TLCD4: variants seen among roughly 807,000 people sequenced by gnomAD.
TLCD4 encodes the protein TLC domain-containing protein 4.
A neutral mutation model predicts 24.2 loss-of-function variants in TLCD4; 7 were observed. That is an observed-to-expected ratio of 0.29 (90% CI 0.16 to 0.54). The LOEUF (loss-of-function observed/expected upper bound fraction) is 0.54. Among genes scored for constraint, TLCD4 ranks in the 20% least tolerant of loss-of-function variants. The pLI is 0.95. For synonymous variants in TLCD4, 103 were observed against 106.4 expected (o/e 0.97, Z 0.20); for missense variants, 259 against 313.9 (o/e 0.82, Z 1.32).
intron 6 of TLCD4, among the ~76,000 whole-genome samples, chr1:95,177,920 G>C (rs1432472520): frequency 6.7e-6 from 1 of 148,500 alleles, no homozygotes; most frequent in Non-Finnish European, 1.5e-5. Context: ...TGGATCAACT[G>C]TCTTTTTTTC....
At chr1:95,187,411 C>T (rs553552589) in intron 6 of TLCD4, among the ~76,000 whole-genome samples, 2 of 152,266 alleles carry the variant, frequency 1.3e-5, no homozygotes, top group South Asian at 4.2e-4. Flanking sequence ...GATCGTTTCT[C>T]AGATGTCCTG....
At chr1:95,170,942 A>C (rs988462814) in intron 5 of TLCD4, among the ~76,000 whole-genome samples, 6 of 152,234 alleles carry the variant, frequency 3.9e-5, no homozygotes, top group Admixed American at 2.0e-4. Context: ...AAAGCACACA[A>C]AATACCTAAG....
Position 95,195,528 on chromosome 1 carries a change from A to G in TLCD4, c.*3660A>G, listed in dbSNP as rs1313509876. On this transcript the variant is annotated 3_prime_UTR_variant, in exon 7 of 7. Coordinates refer to ENST00000370203, the MANE Select transcript of TLCD4 (RefSeq NM_152487.3). ...ATTGACATCATCAATAATACTTCAT[A>G]AAGGTTTATGTATTTTTATGTGTTT... 8 of 152,184 alleles carry G rather than the reference A, an allele frequency of 5.3e-5. No individual in the cohort carries two copies. Among genetic ancestry groups the G allele is most frequent in the African/African-American group, 1.9e-4 (8 of 41,464 alleles). 9.4% of individuals were successfully genotyped at this position (152,184 alleles called of 1,614,324 possible). A position where few individuals can be genotyped will look rare whatever the true frequency, so the allele number is the denominator to read the frequency against.
intron 2 of TLCD4, among the ~76,000 whole-genome samples, 173 bp downstream of exon 2, chr1:95,144,229 G>T (rs1026727290): frequency 4.6e-5 from 7 of 152,140 alleles, no homozygotes; most frequent in Admixed American, 3.3e-4. Flanking sequence ...AAAAGTTTAA[G>T]AATTCATATA....
chr1:95,109,912 CATATATATATATATATATAT>C, the TLCD4 span, among the ~76,000 whole-genome samples: 111 of 80,276 alleles, frequency 1.4e-3, 3 homozygotes, highest in East Asian at 0.013. Flanking sequence ...TGTGTGTATG[CATATATATATATATATATAT>C]ATATATATAT....
chr1:95,135,395 C>CT (rs1188061128), intron 1 of TLCD4, among the ~76,000 whole-genome samples: 12,710 of 130,460 alleles, frequency 0.097, 1,025 homozygotes, highest in African/African-American at 0.19. Flanking sequence ...TTTTTGTACA[C>CT]TTTTTTTTTT....
At chr1:95,093,457 A>T in the TLCD4 span, among the ~76,000 whole-genome samples, 8 of 152,214 alleles carry the variant, frequency 5.3e-5, no homozygotes, top group Non-Finnish European at 1.2e-4. Flanking sequence ...GACTGTAAGC[A>T]GTCATATCTG....
chr1:95,172,736 TA>T (rs1429402199), intron 5 of TLCD4, among the ~76,000 whole-genome samples: 4 of 152,340 alleles, frequency 2.6e-5, no homozygotes, highest in East Asian at 1.9e-4. Flanking sequence ...GTCCACCTAT[TA>T]TTTTTTTAAT....
the TLCD4 span, among the ~76,000 whole-genome samples, chr1:95,112,066 T>C: frequency 1.3e-5 from 2 of 152,162 alleles, no homozygotes; most frequent in East Asian, 3.9e-4. Context: ...GGAAATTCTT[T>C]GTGTGGAAGT....
the TLCD4 span, among the ~76,000 whole-genome samples, chr1:95,103,536 G>A: frequency 6.6e-6 from 1 of 152,160 alleles, no homozygotes; most frequent in Non-Finnish European, 1.5e-5. Flanking sequence ...ATGTCAGTGA[G>A]TTATTTTTAT....
At chr1:95,122,984 T>TTA (rs1553168245) in intron 1 of TLCD4, among the ~76,000 whole-genome samples, 63 of 151,604 alleles carry the variant, frequency 4.2e-4, no homozygotes, top group African/African-American at 1.5e-3. Context: ...TTTTTTTTTT[T>TTA]AAAAAGAGAA....
chr1:95,156,278 C>A lies in TLCD4; in HGVS notation c.399+4859C>A, dbSNP rs550278059. 3.9e-5 allele frequency among the ~76,000 whole-genome samples: 6 copies of A among 152,212 alleles called. No homozygotes were observed. In the East Asian group the frequency reaches 1.2e-3, roughly 29 times the overall value. ...AGGTTGGAAAAAAAAGTAGGGAAGG[C>A]TTTCTAGGTCAGAAAACATTTTGAG... On this transcript the variant is annotated intron_variant, in intron 5 of 6. Coordinates refer to ENST00000370203, the MANE Select transcript of TLCD4 (RefSeq NM_152487.3).
intron 5 of TLCD4, among the ~76,000 whole-genome samples, chr1:95,158,572 A>G (rs938984240): frequency 2.0e-5 from 3 of 151,840 alleles, no homozygotes; most frequent in East Asian, 1.9e-4. Flanking sequence ...GGTTTGTTAC[A>G]TATGTATACA....
At chr1:95,183,206 T>C (rs928194472) in intron 6 of TLCD4, among the ~76,000 whole-genome samples, 1 of 152,210 alleles carries the variant, frequency 6.6e-6, no homozygotes, top group African/African-American at 2.4e-5. Flanking sequence ...TAAGAGTCCA[T>C]ATTAAGCTGT....
intron 6 of TLCD4, among the ~76,000 whole-genome samples, chr1:95,186,699 C>A (rs762280815): frequency 5.3e-5 from 8 of 152,154 alleles, no homozygotes; most frequent in Non-Finnish European, 1.2e-4. Flanking sequence ...GGATCAGAGA[C>A]CTGGATTAGA....
At chr1:95,170,978 G>T (rs1476298659) in intron 5 of TLCD4, among the ~76,000 whole-genome samples, 1 of 151,878 alleles carries the variant, frequency 6.6e-6, no homozygotes, top group African/African-American at 2.4e-5. Flanking sequence ...ATGGCAATTT[G>T]TTCCTTATTA....
intron 1 of TLCD4, among the ~76,000 whole-genome samples, chr1:95,139,116 A>G (rs181351587): frequency 7.0e-6 from 1 of 143,588 alleles, no homozygotes; most frequent in African/African-American, 2.5e-5. Context: ...TTGAGGTTAT[A>G]GTGAGCTATG....
At chr1:95,119,227 C>T (rs1383370465) in intron 1 of TLCD4, among the ~76,000 whole-genome samples, 1 of 152,076 alleles carries the variant, frequency 6.6e-6, no homozygotes, top group Non-Finnish European at 1.5e-5. Flanking sequence ...TAATGCAAAC[C>T]CCAGGGAAGC....
chr1:95,192,025 G>C lies in TLCD4; in HGVS notation c.*157G>C. 7.0e-7 allele frequency: 1 copy of C among 1,427,482 alleles called. No individual in the cohort carries two copies. The highest frequency in any genetic ancestry group is 9.1e-7 in the Non-Finnish European group (1 of 1,098,144). 88.4% of individuals were successfully genotyped at this position (1,427,482 alleles called of 1,614,324 possible). A position where few individuals can be genotyped will look rare whatever the true frequency, so the allele number is the denominator to read the frequency against. ...CCTTAGAAAAGAGAAGGCCGGGCACGGTGGCTCATGCCTGTAATCCCAGCA... is the reference window on the plus strand; with the variant it reads ...CCTTAGAAAAGAGAAGGCCGGGCACCGTGGCTCATGCCTGTAATCCCAGCA... On this transcript the variant is annotated 3_prime_UTR_variant, in exon 7 of 7. Transcript: ENST00000370203.
Sources: allele counts gnomAD v4.1 joint callset (sites outside exome capture counted in the v4.1 genomes callset), GRCh38; gene constraint gnomAD v4.1.1; transcripts MANE v1.5; gene names NCBI Gene and HGNC (gene_info 2026-07-23, HGNC 2026-07-21).